The following GMDS variants were observed in gnomAD, a reference collection of about 807,000 sequenced individuals.
GMDS encodes GDP-mannose 4,6 dehydratase.
Under a neutral mutation model 49.9 loss-of-function variants are expected in GMDS, and 20 were observed. The observed-to-expected ratio is 0.40, with a 90% CI of 0.28 to 0.58. The LOEUF (loss-of-function observed/expected upper bound fraction) is 0.58. GMDS is among the 20% of genes least tolerant of loss of function. GMDS has a pLI of 0.42. For synonymous variants in GMDS, 177 were observed against 178.6 expected (o/e 0.99, Z 0.07); for missense variants, 362 against 481.4 (o/e 0.75, Z 2.32).
intron 9 of GMDS, among the ~76,000 whole-genome samples, chr6:1,707,328 C>G (rs1765774799): frequency 6.6e-6 from 1 of 152,196 alleles, no homozygotes. Context: ...TTAAAAATAT[C>G]TATCTGTTGA....
chr6:1,909,229 A>G (rs534911998), intron 7 of GMDS, among the ~76,000 whole-genome samples: 26 of 152,344 alleles, frequency 1.7e-4, no homozygotes, highest in African/African-American at 6.3e-4. Context: ...AGAAAGGTGC[A>G]GCTAAACTGC....
intron 1 of GMDS, among the ~76,000 whole-genome samples, chr6:2,143,751 C>T (rs1173704536): frequency 1.3e-5 from 2 of 152,204 alleles, no homozygotes; most frequent in Non-Finnish European, 2.9e-5. Context: ...GTGTAGAAAT[C>T]ACAGGTCCCT....
chr6:1,930,164 C>A lies in GMDS; in HGVS notation c.710G>T (p.Cys237Phe), dbSNP rs757524649. The A allele has an allele frequency of 8.7e-6, 14 of 1,612,132 alleles. No individual in the cohort carries two copies. Among genetic ancestry groups the A allele is most frequent in the Non-Finnish European group, 8.5e-6 (10 of 1,178,560 alleles). Residue 237 changes from cysteine to phenylalanine, a missense_variant, in exon 7 of 11, where the codon TGT becomes TTT. Cys to Phe is a radical substitution (Grantham distance 205, BLOSUM62 -2). Transcript: ENST00000380815. ...VAKIYLGQLE[C>F]FSLGNLDAKR... ...GGCATCCAGATTTCCCAAACTGAAA[C>A]ATTCCAGTTGTCCAAGGTAAATCTT...
chr6:1,862,450 C>T (rs919905390), intron 7 of GMDS, among the ~76,000 whole-genome samples: 4 of 152,228 alleles, frequency 2.6e-5, no homozygotes, highest in Non-Finnish European at 5.9e-5. Context: ...TTACTCAATG[C>T]TAGGTGCAGC....
intron 4 of GMDS, among the ~76,000 whole-genome samples, chr6:1,968,878 T>C (rs1764417292): frequency 6.6e-6 from 1 of 152,156 alleles, no homozygotes; most frequent in South Asian, 2.1e-4. Flanking sequence ...CTTGACTCTG[T>C]TCACCATTAA....
chr6:2,022,477 G>T (rs181453866), intron 4 of GMDS, among the ~76,000 whole-genome samples: 3 of 152,148 alleles, frequency 2.0e-5, no homozygotes, highest in East Asian at 3.9e-4. Context: ...AAAATAACAC[G>T]AATTCAATGA....
intron 7 of GMDS, among the ~76,000 whole-genome samples, chr6:1,746,402 G>A (rs1402488567): frequency 1.3e-5 from 2 of 152,176 alleles, no homozygotes; most frequent in African/African-American, 4.8e-5. Flanking sequence ...CTCACAGAGA[G>A]GAAAGCAAAT....
At chr6:1,967,828 G>C (rs1248342380) in intron 4 of GMDS, among the ~76,000 whole-genome samples, 1 of 152,206 alleles carries the variant, frequency 6.6e-6, no homozygotes, top group East Asian at 1.9e-4. Flanking sequence ...GATACAAACA[G>C]ATACCCAAAG....
chr6:1,949,641 G>A (rs1581407579), intron 6 of GMDS, among the ~76,000 whole-genome samples: 1 of 152,270 alleles, frequency 6.6e-6, no homozygotes, highest in Middle Eastern at 3.4e-3. Flanking sequence ...GGGCCAGACA[G>A]CTTTGTGATC....
At chr6:1,732,468 G>A (rs1412686637) in intron 8 of GMDS, among the ~76,000 whole-genome samples, 2 of 152,180 alleles carry the variant, frequency 1.3e-5, no homozygotes, top group African/African-American at 4.8e-5. Flanking sequence ...TTAAGAGAAC[G>A]GAGGGATGGG....
chr6:1,693,433 C>A (rs1422211472), intron 9 of GMDS, among the ~76,000 whole-genome samples: 4 of 152,240 alleles, frequency 2.6e-5, no homozygotes, highest in Admixed American at 2.6e-4. Flanking sequence ...CTGCCCGAAT[C>A]CTGTCCCCAT....
intron 7 of GMDS, among the ~76,000 whole-genome samples, chr6:1,780,007 G>A (rs774509987): frequency 6.6e-6 from 1 of 152,196 alleles, no homozygotes; most frequent in African/African-American, 2.4e-5. Context: ...GTCTTTTGAG[G>A]ACACATCCCA....
rs1768350219 is a variant in GMDS, at chr6:1,766,265, G to GGAAAT, written c.772-23684_772-23680dup. ...TTAAGCTGATGTGCATTGAGTCACT[G>GGAAAT]GAAATTGGACAGGAGCAAAGACCAC... On this transcript the variant is annotated intron_variant, in intron 7 of 10. Transcript: ENST00000380815. This position sits in a 1 kb window ranked among gnomAD's most constrained non-coding sequence, Gnocchi z 4.5. Among the ~76,000 whole-genome samples the GGAAAT allele has an allele frequency of 1.3e-5, 2 of 152,282 alleles. No individual in the cohort carries two copies. The highest frequency in any genetic ancestry group is 2.1e-4 in the South Asian group (1 of 4,824).
At chr6:2,181,513 G>C (rs1035414964) in intron 1 of GMDS, among the ~76,000 whole-genome samples, 3 of 151,948 alleles carry the variant, frequency 2.0e-5, no homozygotes, top group Non-Finnish European at 4.4e-5. Context: ...TAAACTGAAG[G>C]CTTGTGGCAA....
intron 9 of GMDS, among the ~76,000 whole-genome samples, chr6:1,647,916 T>G (rs62390646): frequency 0.12 from 18,664 of 152,184 alleles, 1,530 homozygotes; most frequent in Non-Finnish European, 0.18. Context: ...AGCGGTCTGG[T>G]CTTCCCTTGA....
chr6:1,670,949 T>G (rs1422804123), intron 9 of GMDS, among the ~76,000 whole-genome samples: 1 of 152,216 alleles, frequency 6.6e-6, no homozygotes, highest in Non-Finnish European at 1.5e-5. Flanking sequence ...TCGCCCGGAC[T>G]TTTGCTCAGA....
intron 6 of GMDS, among the ~76,000 whole-genome samples, chr6:1,952,828 A>C (rs1763421604): frequency 6.6e-6 from 1 of 152,142 alleles, no homozygotes; most frequent in South Asian, 2.1e-4. Context: ...GAGAAGAAAG[A>C]GTGGGAGGAG....
intron 7 of GMDS, among the ~76,000 whole-genome samples, chr6:1,794,340 T>C (rs1769655523): frequency 1.3e-5 from 2 of 151,492 alleles, no homozygotes; most frequent in South Asian, 4.1e-4. Flanking sequence ...CTTGGAAAAT[T>C]GCAGCACCAT....
At chr6:2,040,874 A>T (rs1390542284) in intron 4 of GMDS, among the ~76,000 whole-genome samples, 1 of 152,166 alleles carries the variant, frequency 6.6e-6, no homozygotes, top group Non-Finnish European at 1.5e-5. Flanking sequence ...TAGACTGTCT[A>T]TTTCTTCATC....
Sources: allele counts gnomAD v4.1 joint callset (sites outside exome capture counted in the v4.1 genomes callset), GRCh38; gene constraint gnomAD v4.1.1; non-coding constraint Gnocchi (gnomAD v3.1); transcripts MANE v1.5; gene names NCBI Gene and HGNC (gene_info 2026-07-23, HGNC 2026-07-21).